TRIM49C: variants seen among roughly 807,000 people sequenced by gnomAD.
TRIM49C encodes tripartite motif containing 49C.
TRIM49C carries 6 observed loss-of-function variants against 21.4 expected under a neutral mutation model. That is an observed-to-expected ratio of 0.28 (90% CI 0.15 to 0.55). TRIM49C has a LOEUF of 0.55. Among genes scored for constraint, TRIM49C ranks in the 20% least tolerant of loss-of-function variants. TRIM49C has a pLI of 0.94. For synonymous variants in TRIM49C, 57 were observed against 148.1 expected (o/e 0.38, Z 4.47); for missense variants, 161 against 442.4 (o/e 0.36, Z 5.71).
downstream of TRIM49C, among the ~76,000 whole-genome samples, chr11:90,045,060 A>G (rs1950792489): frequency 8.2e-6 from 1 of 121,640 alleles, no homozygotes; most frequent in African/African-American, 3.0e-5. Context: ...TGTTTTTGTC[A>G]GATTTGTCAA....
At chr11:90,055,041 G>A in the TRIM49C span, among the ~76,000 whole-genome samples, 3 of 148,776 alleles carry the variant, frequency 2.0e-5, no homozygotes, top group Non-Finnish European at 4.5e-5. Flanking sequence ...ATCAAAAAAA[G>A]GAGTGCTGGG....
chr11:90,046,960 G>A (rs1208980209), downstream of TRIM49C, among the ~76,000 whole-genome samples: 9 of 123,538 alleles, frequency 7.3e-5, no homozygotes, highest in African/African-American at 2.3e-4. Context: ...AGATTGCAGT[G>A]TGTTGTGTCT....
chr11:90,071,684 A>G, the TRIM49C span: 81 of 1,235,728 alleles, frequency 6.6e-5, 13 homozygotes, highest in South Asian at 7.5e-4. Flanking sequence ...AACTCAACCT[A>G]CTTCCTTGCA....
At chr11:90,031,285 C>G (rs897185969) in intron 1 of TRIM49C, 41 bp downstream of exon 1, 13 of 136,352 alleles carry the variant, frequency 9.5e-5, no homozygotes, top group African/African-American at 3.2e-4. Context: ...GTGAATCTCC[C>G]TAACTATACA....
At chr11:90,066,086 T>A in the TRIM49C span, among the ~76,000 whole-genome samples, 834 of 139,504 alleles carry the variant, frequency 6.0e-3, 96 homozygotes, top group African/African-American at 0.021. Flanking sequence ...CAGGGCTTGG[T>A]CTTAGCTCAC....
the TRIM49C span, among the ~76,000 whole-genome samples, chr11:90,071,968 G>A: frequency 7.1e-6 from 1 of 141,354 alleles, no homozygotes; most frequent in African/African-American, 2.5e-5. Flanking sequence ...AAAAGATGGT[G>A]GAATCAGCCA....
In TRIM49C at chr11:90,036,803, A is replaced by C. The variant is rs572624827; in HGVS notation, c.507+820A>C. 1.8e-3 allele frequency among the ~76,000 whole-genome samples: 256 copies of C among 139,004 alleles called. 40 individuals are homozygous for C. The highest frequency in any genetic ancestry group is 2.5e-3 in the Non-Finnish European group (163 of 64,176). The allele number at this position is 139,004 out of a possible 152,430, so 91.2% of individuals were successfully genotyped here. The stretch of plus-strand genomic sequence containing the variant: ...TCCAAATAAGAGAGTCAAATGGTCA[A>C]TACACAAATATATGCAATACATGAT... On this transcript the variant is annotated intron_variant, in intron 4 of 7. Coordinates refer to ENST00000448984, the MANE Select transcript of TRIM49C (RefSeq NM_001195234.1).
rs144839378 is a variant in TRIM49C, at chr11:90,036,640, G to A, written c.507+657G>A. ...TTAAAATAATTTTCTCTTTGTGGATGTATATTTTGAGGGTATGATAGCTAA... is the reference window on the plus strand; with the variant it reads ...TTAAAATAATTTTCTCTTTGTGGATATATATTTTGAGGGTATGATAGCTAA... On this transcript the variant is annotated intron_variant, in intron 4 of 7. Coordinates refer to ENST00000448984, the MANE Select transcript of TRIM49C (RefSeq NM_001195234.1). 1.7e-3 allele frequency among the ~76,000 whole-genome samples: 242 copies of A among 138,406 alleles called. 23 individuals are homozygous for A. The highest frequency in any genetic ancestry group is 5.7e-3 in the African/African-American group (223 of 38,902). The allele number at this position is 138,406 out of a possible 152,430, so 90.8% of individuals were successfully genotyped here. A position where few individuals can be genotyped will look rare whatever the true frequency, so the allele number is the denominator to read the frequency against.
the TRIM49C span, among the ~76,000 whole-genome samples, chr11:90,072,332 C>G: frequency 1.3e-5 from 2 of 148,780 alleles, no homozygotes; most frequent in East Asian, 3.9e-4. Flanking sequence ...TTAGATAGAA[C>G]TCCAGGATAG....
intron 5 of TRIM49C, among the ~76,000 whole-genome samples, chr11:90,038,312 GTA>G (rs1319243039): frequency 7.6e-5 from 8 of 105,650 alleles, no homozygotes; most frequent in African/African-American, 2.4e-4. Context: ...AGGTTAATTT[GTA>G]AACATGGCAA....
At chr11:90,055,727 G>A in the TRIM49C span, among the ~76,000 whole-genome samples, 1 of 146,212 alleles carries the variant, frequency 6.8e-6, no homozygotes, top group Non-Finnish European at 1.5e-5. Context: ...CCTGCTGCAT[G>A]GGACATGGCA....
chr11:90,066,880 G>A, the TRIM49C span, among the ~76,000 whole-genome samples: 1 of 137,890 alleles, frequency 7.3e-6, no homozygotes, highest in Non-Finnish European at 1.6e-5. Flanking sequence ...TGATTCTCCT[G>A]CCTCAGCCTC....
Position 90,041,354 on chromosome 11 carries a change from A to G in TRIM49C, c.1163A>G (p.Gln388Arg), listed in dbSNP as rs1369617643. The G allele has an allele frequency of 6.3e-7, 1 of 1,589,650 alleles. No individual in the cohort carries two copies. Among genetic ancestry groups the G allele is most frequent in the African/African-American group, 1.4e-5 (1 of 72,484 alleles). ...CTTGGGTGTATTAAGAATGACATTC[A>G]ATGCAGTCTCTTTACCACCTCCCCA... Reference protein sequence around the residue: ...FLLGCIKNDIQCSLFTTSPLM... With the variant: ...FLLGCIKNDIRCSLFTTSPLM... The change falls in exon 8 of 8, where the codon CAA becomes CGA. Residue 388 changes from glutamine to arginine, a missense_variant. By Grantham distance (43) the Gln-to-Arg change is conservative. Transcript: ENST00000448984.
At chr11:90,045,191 G>A (rs1950793644), downstream of TRIM49C, among the ~76,000 whole-genome samples, 1 of 134,166 alleles carries the variant, frequency 7.5e-6, no homozygotes, top group Non-Finnish European at 1.6e-5. Context: ...TTGTAGTATA[G>A]TTTGAAGTCA....
chr11:90,066,766 A>G, the TRIM49C span, among the ~76,000 whole-genome samples: 2 of 132,620 alleles, frequency 1.5e-5, no homozygotes, highest in Admixed American at 9.2e-5. Flanking sequence ...AATAATAATA[A>G]TTATTATTAC....
intron 2 of TRIM49C, among the ~76,000 whole-genome samples, chr11:90,033,923 G>T (rs1429916965): frequency 8.3e-6 from 1 of 120,856 alleles, no homozygotes; most frequent in South Asian, 3.0e-4. Flanking sequence ...TTCAGCCTGC[G>T]TGACAGAAGG....
At chr11:90,040,912 T>A in intron 7 of TRIM49C, 139 bp from the exon 8 acceptor site, 2 of 1,311,420 alleles carry the variant, frequency 1.5e-6, no homozygotes, top group Non-Finnish European at 1.0e-6. Flanking sequence ...ATTAACCATC[T>A]CTATACTTTA....
chr11:90,055,648 T>C, the TRIM49C span, among the ~76,000 whole-genome samples: 66 of 149,882 alleles, frequency 4.4e-4, no homozygotes, highest in Non-Finnish European at 6.4e-4. Context: ...AATAAATGCA[T>C]TGTGAAAAAC....
the TRIM49C span, chr11:90,062,815 G>A: frequency 2.8e-6 from 4 of 1,418,514 alleles, no homozygotes; most frequent in Non-Finnish European, 3.7e-6. Context: ...TTGAAGTTGG[G>A]CTTCTCTGAG....
Sources: allele counts gnomAD v4.1 joint callset (sites outside exome capture counted in the v4.1 genomes callset), GRCh38; gene constraint gnomAD v4.1.1; transcripts MANE v1.5; gene names NCBI Gene and HGNC (gene_info 2026-07-23, HGNC 2026-07-21).